Variants in PCDHA3 observed in about 807,000 individuals in gnomAD.
PCDHA3 encodes protocadherin alpha 3.
PCDHA3 carries 41 observed loss-of-function variants against 62.2 expected under a neutral mutation model. The ratio of observed to expected loss-of-function variants is 0.66; its 90% confidence interval spans 0.51 to 0.86. PCDHA3 has a LOEUF of 0.86. PCDHA3 is among the 40% of genes least tolerant of loss of function. PCDHA3 has a pLI of 0.00. For missense variants in PCDHA3, 1,304 were observed against 1,241.2 expected, an observed-to-expected ratio of 1.05 and a Z score of -0.76; for synonymous variants, 640 against 555.4, an observed-to-expected ratio of 1.15 and a Z score of -2.14.
chr5:140,858,159 C>T lies in PCDHA3; in HGVS notation c.2394+54568C>T, dbSNP rs782574934. The T allele has an allele frequency of 3.8e-6, 6 of 1,597,644 alleles. No homozygotes were observed. In the Admixed American group the frequency reaches 5.1e-5, roughly 13 times the overall value. On this transcript the variant is annotated intron_variant, in intron 1 of 3. Coordinates refer to ENST00000522353, the MANE Select transcript of PCDHA3 (RefSeq NM_018906.3). ...GTGTACCTGATCATCGCCATCTGCG[C>T]GGTGTCCAGCTTGCTGGTGCTCACG...
intron 1 of PCDHA3, among the ~76,000 whole-genome samples, chr5:140,886,931 G>A (rs1426144437): frequency 6.6e-6 from 1 of 151,756 alleles, no homozygotes; most frequent in Non-Finnish European, 1.5e-5. Context: ...CTATGTGCCA[G>A]GCATGTTCTA....
At chr5:140,983,457 G>A (rs1354592991) in intron 3 of PCDHA3, among the ~76,000 whole-genome samples, 4 of 152,182 alleles carry the variant, frequency 2.6e-5, no homozygotes, top group Non-Finnish European at 4.4e-5. Flanking sequence ...TCTATTAATA[G>A]AACATCATGA....
Position 140,834,605 on chromosome 5 carries a change from T to G in PCDHA3, c.2394+31014T>G, listed in dbSNP as rs2150222820. 19 of 1,613,994 alleles carry G rather than the reference T, an allele frequency of 1.2e-5. No homozygotes were observed. The South Asian group carries it at 2.1e-4, about 18-fold the overall frequency. On this transcript the variant is annotated intron_variant, in intron 1 of 3. Coordinates refer to ENST00000522353, the MANE Select transcript of PCDHA3 (RefSeq NM_018906.3). Reference sequence around the variant, plus strand: ...CGGTGTGCAAATTCCGTGGGGATCTTCTGGAGGTAAATCTGCAGAATGGCA... The same window carrying G: ...CGGTGTGCAAATTCCGTGGGGATCTGCTGGAGGTAAATCTGCAGAATGGCA...
chr5:140,823,620 C>A, intron 1 of PCDHA3: 3 of 1,614,040 alleles, frequency 1.9e-6, no homozygotes, highest in South Asian at 1.1e-5. Context: ...CAGCGCCTGG[C>A]AGTGCGCGCA....
Position 140,932,015 on chromosome 5 carries a change from C to T in PCDHA3, c.2395-46934C>T, listed in dbSNP as rs150185692. Reference sequence around the variant, plus strand: ...TTCTAAGTTCTTTCATTTTAGTTTACGGTAAGTTTACAGTATATATTAACA... The same window carrying T: ...TTCTAAGTTCTTTCATTTTAGTTTATGGTAAGTTTACAGTATATATTAACA... On this transcript the variant is annotated intron_variant, in intron 1 of 3. Coordinates refer to ENST00000522353, the MANE Select transcript of PCDHA3 (RefSeq NM_018906.3). Among the ~76,000 whole-genome samples, 8 of 151,784 alleles carry T rather than the reference C, an allele frequency of 5.3e-5. No homozygotes were observed. The East Asian group carries it at 5.8e-4, about 11-fold the overall frequency.
At chr5:140,925,812 A>G (rs2082739434) in intron 1 of PCDHA3, among the ~76,000 whole-genome samples, 1 of 151,890 alleles carries the variant, frequency 6.6e-6, no homozygotes. Flanking sequence ...TCCACTTCTC[A>G]CGTCTTCTTT....
chr5:140,854,158 T>TTAAA, intron 1 of PCDHA3: 1 of 123,422 alleles, frequency 8.1e-6, no homozygotes, highest in Non-Finnish European at 1.0e-5. Flanking sequence ...AGATTCTGTC[T>TTAAA]CAAAAAAAAA....
chr5:140,869,936 C>T (rs1554163630), intron 1 of PCDHA3: 1 of 1,611,844 alleles, frequency 6.2e-7, no homozygotes, highest in South Asian at 1.1e-5. Flanking sequence ...GGAGAGGTAA[C>T]ATACTCCTTA....
chr5:140,928,824 A>C (rs782336122), intron 1 of PCDHA3: 2 of 1,614,110 alleles, frequency 1.2e-6, no homozygotes, highest in Non-Finnish European at 1.7e-6. Flanking sequence ...ATGGAGACCC[A>C]CCACTTTCCT....
chr5:140,920,801 G>A (rs1303863265), intron 1 of PCDHA3, among the ~76,000 whole-genome samples: 2 of 148,716 alleles, frequency 1.3e-5, no homozygotes, highest in Non-Finnish European at 3.0e-5. Context: ...CCAAGATCAC[G>A]CCACTGCACT....
intron 1 of PCDHA3, chr5:140,813,385 A>G (rs1283175355): frequency 6.6e-6 from 1 of 152,194 alleles, no homozygotes; most frequent in African/African-American, 2.4e-5. Flanking sequence ...TACATGATCT[A>G]TTGCTTCTAG....
At chr5:140,858,992 T>C (rs1452375472) in intron 1 of PCDHA3, 1 of 151,532 alleles carries the variant, frequency 6.6e-6, no homozygotes, top group African/African-American at 2.4e-5. Context: ...AGTTCATTGG[T>C]AAAAATTTCT....
chr5:140,842,551 C>CACCAACTG, intron 1 of PCDHA3: 1 of 1,596,422 alleles, frequency 6.3e-7, no homozygotes, highest in Non-Finnish European at 8.6e-7. Flanking sequence ...TGGTGCTGGA[C>CACCAACTG]AGCGCCCTGG....
At chr5:140,870,810 T>C in intron 1 of PCDHA3, 2 of 1,613,710 alleles carry the variant, frequency 1.2e-6, no homozygotes, top group South Asian at 1.1e-5. Context: ...CGACTCAGGC[T>C]GGCAGCGCGG....
chr5:140,996,803 G>A (rs2097746425), intron 3 of PCDHA3, among the ~76,000 whole-genome samples: 1 of 152,224 alleles, frequency 6.6e-6, no homozygotes, highest in African/African-American at 2.4e-5. Flanking sequence ...ATCCAATCAT[G>A]CTTTCCAAAA....
intron 3 of PCDHA3, among the ~76,000 whole-genome samples, chr5:140,996,093 A>G (rs2097711389): frequency 6.6e-6 from 1 of 152,210 alleles, no homozygotes; most frequent in South Asian, 2.1e-4. Flanking sequence ...GCTAGATTAC[A>G]TGGAATGGTA....
intron 1 of PCDHA3, chr5:140,821,654 G>T: frequency 9.1e-7 from 1 of 1,101,190 alleles, no homozygotes; most frequent in Non-Finnish European, 1.3e-6. Context: ...TTCCATTTTT[G>T]GCTGTGCCAA....
chr5:140,899,267 G>C lies in PCDHA3; in HGVS notation c.2395-79682G>C, dbSNP rs1397421903. Among the ~76,000 whole-genome samples, 367 of 152,064 alleles carry C rather than the reference G, an allele frequency of 2.4e-3. 2 individuals carry two copies. The highest frequency in any genetic ancestry group is 8.5e-3 in the African/African-American group (354 of 41,454). On this transcript the variant is annotated intron_variant, in intron 1 of 3. Coordinates refer to ENST00000522353, the MANE Select transcript of PCDHA3 (RefSeq NM_018906.3). ...TGAGAGAGGGCATCCCTGTCTTGTGGCAGTTTTCAAAGGGAATACTTCCAG... is the reference window on the plus strand; with the variant it reads ...TGAGAGAGGGCATCCCTGTCTTGTGCCAGTTTTCAAAGGGAATACTTCCAG...
At chr5:140,822,648 A>C (rs1554128795) in intron 1 of PCDHA3, 2 of 1,609,920 alleles carry the variant, frequency 1.2e-6, no homozygotes, top group Non-Finnish European at 1.7e-6. Flanking sequence ...TAAAGTCCAA[A>C]TTTATAATTA....
Sources: gnomAD v4.1 joint callset for allele counts (sites outside exome capture counted in the v4.1 genomes callset) on GRCh38, gnomAD v4.1.1 for gene constraint, MANE v1.5 for transcripts, NCBI Gene and HGNC (gene_info 2026-07-23, HGNC 2026-07-21) for gene names.